The following SLC24A4 variants were observed in gnomAD, a reference collection of about 807,000 sequenced individuals.
SLC24A4 encodes sodium/potassium/calcium exchanger 4.
Under a neutral mutation model 79.0 loss-of-function variants are expected in SLC24A4, and 53 were observed. That is an observed-to-expected ratio of 0.67 (90% CI 0.54 to 0.84). The LOEUF is 0.84. Ranked by LOEUF, SLC24A4 falls within the 40% of genes least tolerant of loss-of-function variation. The pLI, the probability that SLC24A4 is intolerant of heterozygous loss-of-function variation, is 0.00. For synonymous variants in SLC24A4, 323 were observed against 323.8 expected (o/e 1.00, Z 0.03); for missense variants, 731 against 822.0 (o/e 0.89, Z 1.35).
intron 2 of SLC24A4, among the ~76,000 whole-genome samples, chr14:92,381,567 A>G (rs1226648803): frequency 6.6e-6 from 1 of 152,200 alleles, no homozygotes; most frequent in Non-Finnish European, 1.5e-5. Context: ...CTGCATATTC[A>G]GCACATTCAG....
chr14:92,410,871 GA>G (rs1890672803), intron 2 of SLC24A4, among the ~76,000 whole-genome samples: 1 of 152,182 alleles, frequency 6.6e-6, no homozygotes, highest in African/African-American at 2.4e-5. Flanking sequence ...AGATAAAGCA[GA>G]ATAACCAAGC....
chr14:92,493,405 C>T (rs1207657130), intron 16 of SLC24A4, 71 bp from the exon 17 acceptor site: 17 of 1,565,576 alleles, frequency 1.1e-5, no homozygotes, highest in Middle Eastern at 2.1e-4. Context: ...ACATAGGTGT[C>T]GCTTTCCAGT....
chr14:92,457,896 T>C (rs1893572971), intron 12 of SLC24A4, among the ~76,000 whole-genome samples: 2 of 152,216 alleles, frequency 1.3e-5, no homozygotes, highest in South Asian at 4.1e-4. Flanking sequence ...TCCTGCCTCT[T>C]GTCCCATCTT....
At chr14:92,333,983 A>G (rs1194314110) in intron 2 of SLC24A4, among the ~76,000 whole-genome samples, 1 of 152,126 alleles carries the variant, frequency 6.6e-6, no homozygotes, top group Non-Finnish European at 1.5e-5. Flanking sequence ...CGAGAAATCA[A>G]GAGAAGGACA....
At chr14:92,335,746 ATCT>A (rs905213814) in intron 2 of SLC24A4, among the ~76,000 whole-genome samples, 2 of 152,052 alleles carry the variant, frequency 1.3e-5, no homozygotes, top group African/African-American at 2.4e-5. Flanking sequence ...CACCCCCAAA[ATCT>A]TCTGTGGAGC....
intron 2 of SLC24A4, among the ~76,000 whole-genome samples, chr14:92,384,049 T>C (rs1187552757): frequency 6.6e-6 from 1 of 152,208 alleles, no homozygotes; most frequent in Non-Finnish European, 1.5e-5. Flanking sequence ...GAGTAAACAC[T>C]GAGCGAAATG....
intron 2 of SLC24A4, among the ~76,000 whole-genome samples, chr14:92,338,625 T>C (rs1377741476): frequency 1.3e-5 from 2 of 152,234 alleles, no homozygotes; most frequent in African/African-American, 4.8e-5. Context: ...TGGATTCCAT[T>C]GTACATGCCA....
At chr14:92,334,806 G>A (rs1310754930) in intron 2 of SLC24A4, among the ~76,000 whole-genome samples, 1 of 152,084 alleles carries the variant, frequency 6.6e-6, no homozygotes, top group East Asian at 1.9e-4. Context: ...TCACAGTGCT[G>A]CTGTGTGACA....
chr14:92,336,445 C>T (rs898507429), intron 2 of SLC24A4, among the ~76,000 whole-genome samples: 6 of 152,336 alleles, frequency 3.9e-5, no homozygotes, highest in African/African-American at 1.4e-4. Context: ...CAAAAGCACT[C>T]CCTGCCCAGG....
chr14:92,487,331 T>C (rs1020107163), intron 14 of SLC24A4, among the ~76,000 whole-genome samples: 2 of 152,234 alleles, frequency 1.3e-5, no homozygotes, highest in Non-Finnish European at 2.9e-5. Flanking sequence ...TGACTTCTTT[T>C]CTGCTAGCCA....
At chr14:92,430,414 A>G (rs1482848410) in intron 2 of SLC24A4, among the ~76,000 whole-genome samples, 1 of 152,242 alleles carries the variant, frequency 6.6e-6, no homozygotes, top group Non-Finnish European at 1.5e-5. Flanking sequence ...AAAACAGCTC[A>G]GGTGTGCCTG....
intron 2 of SLC24A4, among the ~76,000 whole-genome samples, chr14:92,403,170 C>T (rs112256415): frequency 4.5e-4 from 68 of 152,182 alleles, no homozygotes; most frequent in African/African-American, 1.4e-3. Context: ...ATCTGGTTGA[C>T]GAAGTCCTCT....
chr14:92,355,432 C>T (rs894418137), intron 2 of SLC24A4, among the ~76,000 whole-genome samples: 13 of 152,202 alleles, frequency 8.5e-5, no homozygotes, highest in South Asian at 2.1e-4. Flanking sequence ...CTCAGGTAGA[C>T]GCCAAGGCTA....
chr14:92,352,851 A>G (rs926426736), intron 2 of SLC24A4, among the ~76,000 whole-genome samples: 31 of 152,310 alleles, frequency 2.0e-4, no homozygotes, highest in Admixed American at 1.9e-3. Flanking sequence ...TTCTGAGTTA[A>G]TCAAACAGGA....
intron 13 of SLC24A4, chr14:92,484,905 G>C (rs1472687201): frequency 6.1e-6 from 6 of 984,910 alleles, no homozygotes; most frequent in Non-Finnish European, 7.2e-6. Context: ...TGGCCACTGA[G>C]TAGTGTGATT....
intron 2 of SLC24A4, among the ~76,000 whole-genome samples, chr14:92,375,636 A>G (rs555720711): frequency 6.6e-6 from 1 of 152,384 alleles, no homozygotes; most frequent in South Asian, 2.1e-4. Context: ...AAAGGAAGGA[A>G]GTACTGCTAC....
chr14:92,455,175 A>C (rs1198152487), intron 11 of SLC24A4, among the ~76,000 whole-genome samples: 1 of 152,206 alleles, frequency 6.6e-6, no homozygotes, highest in Non-Finnish European at 1.5e-5. Context: ...GTCCAGAAGG[A>C]AGGAATTCTG....
At chr14:92,474,355 G>A (rs1055647410) in intron 12 of SLC24A4, among the ~76,000 whole-genome samples, 9 of 152,168 alleles carry the variant, frequency 5.9e-5, no homozygotes, top group African/African-American at 1.7e-4. Flanking sequence ...CCAGAGCCAT[G>A]CAAGAATCCA....
intron 2 of SLC24A4, among the ~76,000 whole-genome samples, chr14:92,419,875 A>T (rs1891183244): frequency 6.6e-6 from 1 of 152,220 alleles, no homozygotes. Context: ...TGTGACCTTC[A>T]TTGGAAATAG....
Sources: gnomAD v4.1 joint callset for allele counts (sites outside exome capture counted in the v4.1 genomes callset) on GRCh38, gnomAD v4.1.1 for gene constraint, MANE v1.5 for transcripts, NCBI Gene and HGNC (gene_info 2026-07-23, HGNC 2026-07-21) for gene names.